The following PAPPA2 variants were observed in gnomAD, a reference collection of about 807,000 sequenced individuals.
PAPPA2 encodes pappalysin 2, also known as pappalysin-2.
A neutral mutation model predicts 176.4 loss-of-function variants in PAPPA2; 86 were observed. That is an observed-to-expected ratio of 0.49 (90% confidence interval 0.41 to 0.58). The LOEUF is 0.58. Among genes scored for constraint, PAPPA2 ranks in the 20% least tolerant of loss-of-function variants. PAPPA2 has a pLI of 0.00. For synonymous variants in PAPPA2, 809 were observed against 852.2 expected (o/e 0.95, Z 0.88); for missense variants, 2,073 against 2,256.9 (o/e 0.92, Z 1.65).
intron 3 of PAPPA2, among the ~76,000 whole-genome samples, chr1:176,607,453 C>T (rs1654678839): frequency 6.6e-6 from 1 of 152,190 alleles, no homozygotes; most frequent in South Asian, 2.1e-4. Context: ...TGAGTGAGAG[C>T]ATGCAACATT....
chr1:176,700,384 T>A (rs1412443773), intron 8 of PAPPA2, among the ~76,000 whole-genome samples: 1 of 152,230 alleles, frequency 6.6e-6, no homozygotes, highest in East Asian at 1.9e-4. Flanking sequence ...TGTCAGTTAG[T>A]TTTTGCTGCA....
rs1443057252 is a variant in PAPPA2 at position 176,692,183 on chromosome 1, T to C, written c.2489T>C (p.Leu830Ser). ...CAAGTGGCCCGAATGCATTGCTATT[T>C]GGACCTAGTCTATCAGCAGTGGACT... ...PNQVARMHCY[L>S]DLVYQQWTES... is the part of the protein sequence containing the mutation. The change falls in exon 6 of 23, where the codon TTG becomes TCG. Residue 830 changes from leucine to serine, a missense_variant. Physicochemically the swap from Leu to Ser is moderately radical, Grantham distance 145. Coordinates refer to ENST00000367662, the MANE Select transcript of PAPPA2 (RefSeq NM_020318.3). The C allele has an allele frequency of 2.5e-6, 4 of 1,614,148 alleles. No homozygotes were observed. In the South Asian group the frequency reaches 4.4e-5, roughly 18 times the overall value.
intron 1 of PAPPA2, among the ~76,000 whole-genome samples, chr1:176,493,707 A>G (rs1181128898): frequency 3.9e-5 from 6 of 152,206 alleles, no homozygotes; most frequent in African/African-American, 1.4e-4. Context: ...TGGAGAGAAG[A>G]AAGTGAGAAG....
chr1:176,655,387 T>A (rs183249295), intron 3 of PAPPA2, among the ~76,000 whole-genome samples: 1 of 151,914 alleles, frequency 6.6e-6, no homozygotes, highest in East Asian at 2.0e-4. Context: ...GACAGGGAAC[T>A]AACATCCAGA....
chr1:176,626,798 A>G (rs1053453206), intron 3 of PAPPA2, among the ~76,000 whole-genome samples: 32 of 151,882 alleles, frequency 2.1e-4, no homozygotes, highest in African/African-American at 7.0e-4. Flanking sequence ...AAATCTCACT[A>G]CCTTTTTGGG....
intron 6 of PAPPA2, among the ~76,000 whole-genome samples, chr1:176,694,177 T>A (rs1660252072): frequency 6.6e-6 from 1 of 152,164 alleles, no homozygotes; most frequent in South Asian, 2.1e-4. Flanking sequence ...GCTACGCACT[T>A]AGCAGCAGCC....
chr1:176,549,823 C>T lies in PAPPA2; in HGVS notation c.-916-5584C>T, dbSNP rs1010744912. Among the ~76,000 whole-genome samples, 3 of 152,132 alleles carry T rather than the reference C, an allele frequency of 2.0e-5. No individual in the cohort carries two copies. In the East Asian group the frequency reaches 5.8e-4, roughly 29 times the overall value. On this transcript the variant is annotated intron_variant, in intron 1 of 22. Transcript: ENST00000367662. ...CAAAATTAAAAGACCCTAGACTTAC[C>T]CCTGGCTCTATCTGCCCACCCCCAC...
At chr1:176,588,840 GGGCAAGCCCACTGGGCTGTTTTTCA>G (rs1653485385) in intron 2 of PAPPA2, among the ~76,000 whole-genome samples, 1 of 152,178 alleles carries the variant, frequency 6.6e-6, no homozygotes, top group Non-Finnish European at 1.5e-5. Context: ...TGTCCTTGAG[GGGCAAGCCCACTGGGCTGTTTTTCA>G]GGCCTCAAGA....
chr1:176,760,988 A>T (rs917423503), intron 14 of PAPPA2, among the ~76,000 whole-genome samples: 2 of 151,680 alleles, frequency 1.3e-5, no homozygotes, highest in Admixed American at 6.6e-5. Flanking sequence ...TGCCTAGCTA[A>T]TTTTTTGTAT....
intron 18 of PAPPA2, 24 bp downstream of exon 18, chr1:176,790,001 T>G: frequency 6.2e-7 from 1 of 1,611,028 alleles, no homozygotes; most frequent in Non-Finnish European, 8.5e-7. Flanking sequence ...TTTGAACTTA[T>G]TTTCATCAGG....
At chr1:176,577,075 C>A (rs1211784926) in intron 2 of PAPPA2, among the ~76,000 whole-genome samples, 1 of 152,062 alleles carries the variant, frequency 6.6e-6, no homozygotes, top group African/African-American at 2.4e-5. Context: ...GATTTAGCTC[C>A]CTGCACTTCC....
chr1:176,727,289 A>G (rs1329972244), intron 12 of PAPPA2, among the ~76,000 whole-genome samples: 1 of 152,126 alleles, frequency 6.6e-6, no homozygotes, highest in Admixed American at 6.5e-5. Flanking sequence ...TGTCATATAA[A>G]AAGAACCAGT....
intron 21 of PAPPA2, among the ~76,000 whole-genome samples, chr1:176,827,403 T>C (rs1305821411): frequency 2.0e-5 from 3 of 152,208 alleles, no homozygotes; most frequent in Non-Finnish European, 4.4e-5. Flanking sequence ...AGATATATCT[T>C]TTCTTTTACC....
chr1:176,771,271 C>T, intron 17 of PAPPA2, 91 bp downstream of exon 17: 1 of 1,321,866 alleles, frequency 7.6e-7, no homozygotes, highest in Admixed American at 1.9e-5. Flanking sequence ...ACCTGCAGGG[C>T]TATATTCTCC....
At chr1:176,689,909 G>A (rs13375143) in intron 4 of PAPPA2, among the ~76,000 whole-genome samples, 29,598 of 151,968 alleles carry the variant, frequency 0.19, 3,179 homozygotes, top group African/African-American at 0.29. Context: ...GCTATCCTGG[G>A]CCTCTAGTAT....
At chr1:176,796,694 TTCTC>T (rs1353004737) in intron 20 of PAPPA2, among the ~76,000 whole-genome samples, 10 of 151,564 alleles carry the variant, frequency 6.6e-5, no homozygotes, top group African/African-American at 2.2e-4. Context: ...TTTCTTTTCT[TTCTC>T]TCTTTCTTTC....
chr1:176,739,892 A>G (rs919506368), intron 13 of PAPPA2, 88 bp from the exon 14 acceptor site: 69 of 1,567,628 alleles, frequency 4.4e-5, no homozygotes, highest in South Asian at 1.0e-4. Context: ...GGCATCATAC[A>G]CCTATTAAGA....
At chr1:176,610,958 A>G (rs1654884288) in intron 3 of PAPPA2, among the ~76,000 whole-genome samples, 1 of 152,192 alleles carries the variant, frequency 6.6e-6, no homozygotes, top group Admixed American at 6.5e-5. Flanking sequence ...TATGCATATA[A>G]TTGCAGTACT....
At chr1:176,745,368 T>C (rs1455167544) in intron 14 of PAPPA2, among the ~76,000 whole-genome samples, 4 of 152,180 alleles carry the variant, frequency 2.6e-5, no homozygotes, top group Non-Finnish European at 5.9e-5. Flanking sequence ...AAACCAAACA[T>C]GGCAGCTTGA....
Sources: allele counts gnomAD v4.1 joint callset (sites outside exome capture counted in the v4.1 genomes callset), GRCh38; gene constraint gnomAD v4.1.1; transcripts MANE v1.5; gene names NCBI Gene and HGNC (gene_info 2026-07-23, HGNC 2026-07-21).